Variants in CFAP299 observed in about 807,000 individuals in gnomAD.
The protein encoded by CFAP299 is cilia and flagella associated protein 299, also known as cilia- and flagella-associated protein 299.
Under a neutral mutation model 27.0 loss-of-function variants are expected in CFAP299, and 21 were observed. The ratio of observed to expected loss-of-function variants is 0.78; its 90% CI spans 0.55 to 1.12. CFAP299 has a LOEUF of 1.12. Ranked by LOEUF, CFAP299 falls within the 50% of genes most tolerant of loss-of-function variation. The pLI is 0.00. For missense variants in CFAP299, 310 were observed against 276.6 expected (o/e 1.12, Z -0.86); for synonymous variants, 104 against 98.1 (o/e 1.06, Z -0.36).
chr4:80,766,243 A>G (rs1354034365), intron 3 of CFAP299, among the ~76,000 whole-genome samples: 1 of 152,314 alleles, frequency 6.6e-6, no homozygotes, highest in Admixed American at 6.5e-5. Context: ...GTAAACAGCA[A>G]TAGAGATCAA....
chr4:80,565,212 T>C (rs1439489774), intron 2 of CFAP299, among the ~76,000 whole-genome samples: 1 of 152,024 alleles, frequency 6.6e-6, no homozygotes, highest in Non-Finnish European at 1.5e-5. Flanking sequence ...GTATTTTTCG[T>C]AGCAAATAAG....
intron 2 of CFAP299, among the ~76,000 whole-genome samples, chr4:80,553,309 A>T (rs1734619202): frequency 6.6e-6 from 1 of 152,172 alleles, no homozygotes; most frequent in Non-Finnish European, 1.5e-5. Flanking sequence ...CCATGTTCCC[A>T]CAAAAGACAG....
chr4:80,931,207 G>A (rs542623790), intron 4 of CFAP299, among the ~76,000 whole-genome samples: 36 of 152,070 alleles, frequency 2.4e-4, no homozygotes, highest in African/African-American at 6.5e-4. Context: ...ATGGCTTCAC[G>A]GGCACTTTGC....
intron 3 of CFAP299, among the ~76,000 whole-genome samples, chr4:80,739,166 A>T (rs1159695951): frequency 6.6e-6 from 1 of 152,008 alleles, no homozygotes; most frequent in Non-Finnish European, 1.5e-5. Context: ...TTATCCTTTA[A>T]TCTTTTTACT....
intron 3 of CFAP299, among the ~76,000 whole-genome samples, chr4:80,701,789 G>A (rs944019668): frequency 1.3e-5 from 2 of 151,860 alleles, no homozygotes; most frequent in East Asian, 1.9e-4. Context: ...CTTATAAAAC[G>A]GAATGTGTGC....
intron 3 of CFAP299, among the ~76,000 whole-genome samples, chr4:80,833,024 T>C (rs1730379291): frequency 1.3e-5 from 2 of 152,126 alleles, no homozygotes; most frequent in Non-Finnish European, 2.9e-5. Context: ...AAATGTGAAA[T>C]ATTAATAACT....
chr4:80,764,657 C>A (rs181673084), intron 3 of CFAP299, among the ~76,000 whole-genome samples: 2 of 152,022 alleles, frequency 1.3e-5, no homozygotes, highest in Non-Finnish European at 2.9e-5. Flanking sequence ...ATGTTTATTG[C>A]GGCACTATTC....
In CFAP299 at chr4:80,414,156, C is replaced by T. The variant is rs1158314755; in HGVS notation, c.242+51272C>T. On this transcript the variant is annotated intron_variant, in intron 2 of 5. Coordinates refer to ENST00000358105, the MANE Select transcript of CFAP299 (RefSeq NM_152770.3). ...CGGGATCTCGGCTCACTGCAAGCTCCGCCTCCCGGGTTCACGCCATTCTCC... is the reference window on the plus strand; with the variant it reads ...CGGGATCTCGGCTCACTGCAAGCTCTGCCTCCCGGGTTCACGCCATTCTCC... 6.1e-5 allele frequency among the ~76,000 whole-genome samples: 9 copies of T among 146,886 alleles called. No homozygotes were observed. In the South Asian group the frequency reaches 1.5e-3, roughly 25 times the overall value.
chr4:80,943,491 A>G (rs1393521117), intron 4 of CFAP299, among the ~76,000 whole-genome samples: 1 of 152,166 alleles, frequency 6.6e-6, no homozygotes, highest in Non-Finnish European at 1.5e-5. Context: ...ACAGGATCAG[A>G]AGAATATCAT....
intron 3 of CFAP299, among the ~76,000 whole-genome samples, chr4:80,674,353 A>T (rs559757588): frequency 2.6e-5 from 4 of 151,980 alleles, no homozygotes; most frequent in African/African-American, 9.7e-5. Flanking sequence ...ATTGGCCCCC[A>T]CTCTCTTCTG....
At chr4:80,923,963 T>C (rs1736173244) in intron 4 of CFAP299, among the ~76,000 whole-genome samples, 1 of 152,020 alleles carries the variant, frequency 6.6e-6, no homozygotes, top group South Asian at 2.1e-4. Flanking sequence ...GATGAAATGA[T>C]TTGATATCTG....
At position 80,466,206 on chromosome 4, in the gene CFAP299, A is replaced by G. The variant is rs967022557; in HGVS notation, c.242+103322A>G. 8.5e-5 allele frequency among the ~76,000 whole-genome samples: 13 copies of G among 152,230 alleles called. No homozygotes were observed. In the East Asian group the frequency reaches 2.3e-3, roughly 27 times the overall value. ...TGATGTAATGTCACCTTCGACCTGA[A>G]TGGCATCTACTTAAATGTAAAAAAT... On this transcript the variant is annotated intron_variant, in intron 2 of 5. Transcript: ENST00000358105.
chr4:80,761,292 C>T (rs556695043), intron 3 of CFAP299, among the ~76,000 whole-genome samples: 1 of 151,952 alleles, frequency 6.6e-6, no homozygotes, highest in Admixed American at 6.6e-5. Flanking sequence ...TTCTTTCCTC[C>T]TAGTAACAAG....
rs1733009122 is a variant in CFAP299 at position 80,870,338 on chromosome 4, T to C, written c.476+203T>C. On this transcript the variant is annotated intron_variant, in intron 4 of 5. Coordinates refer to ENST00000358105, the MANE Select transcript of CFAP299 (RefSeq NM_152770.3). The stretch of plus-strand genomic sequence containing the variant: ...TTTAACAGCCTGAGAAAAAGGATTC[T>C]TCAGAGACAAGATAAGTAAATTCCC... The C allele has an allele frequency of 2.4e-6, 3 of 1,234,946 alleles. No homozygotes were observed. In the South Asian group the frequency reaches 9.4e-5, roughly 39 times the overall value. 76.5% of individuals were successfully genotyped at this position (1,234,946 alleles called of 1,614,324 possible).
At chr4:80,691,340 C>T (rs201637737) in intron 3 of CFAP299, among the ~76,000 whole-genome samples, 67,695 of 114,592 alleles carry the variant, frequency 0.59, 22,859 homozygotes, top group Non-Finnish European at 0.75. Flanking sequence ...AAAAGCTTAT[C>T]CACCATGATC....
chr4:80,671,453 C>T (rs1367778365), intron 3 of CFAP299, among the ~76,000 whole-genome samples: 2 of 152,136 alleles, frequency 1.3e-5, no homozygotes, highest in African/African-American at 4.8e-5. Flanking sequence ...GTTCTTTTTG[C>T]TTTGGATCGT....
chr4:80,593,523 A>G (rs1736890711), intron 3 of CFAP299, among the ~76,000 whole-genome samples: 1 of 152,184 alleles, frequency 6.6e-6, no homozygotes, highest in Non-Finnish European at 1.5e-5. Context: ...AAAGTTATTT[A>G]TAGTATCCCC....
At chr4:80,372,604 TGTATGAA>T (rs1385802287) in intron 2 of CFAP299, among the ~76,000 whole-genome samples, 1 of 152,168 alleles carries the variant, frequency 6.6e-6, no homozygotes, top group African/African-American at 2.4e-5. Context: ...TCAGGGAAAA[TGTATGAA>T]GTGGCAGGCC....
At chr4:80,764,971 G>T (rs1419419231) in intron 3 of CFAP299, among the ~76,000 whole-genome samples, 1 of 152,072 alleles carries the variant, frequency 6.6e-6, no homozygotes, top group East Asian at 1.9e-4. Flanking sequence ...GATAGCATAA[G>T]GACAAATACC....
Sources: allele counts gnomAD v4.1 joint callset (sites outside exome capture counted in the v4.1 genomes callset), GRCh38; gene constraint gnomAD v4.1.1; transcripts MANE v1.5; gene names NCBI Gene and HGNC (gene_info 2026-07-23, HGNC 2026-07-21).